The following CCDC138 variants were observed in gnomAD, a reference collection of about 807,000 sequenced individuals.
The protein encoded by CCDC138 is coiled-coil domain-containing protein 138.
In CCDC138, 66 loss-of-function variants were observed where a neutral mutation model predicts 82.3. The observed-to-expected ratio is 0.80, with a 90% CI of 0.66 to 0.98. CCDC138 has a LOEUF of 0.98. CCDC138 is among the 50% of genes least tolerant of loss of function. The pLI, the probability that CCDC138 is intolerant of heterozygous loss-of-function variation, is 0.00. For synonymous variants in CCDC138, 297 were observed against 265.4 expected (o/e 1.12, Z -1.16); for missense variants, 816 against 758.9 (o/e 1.08, Z -0.88).
At chr2:108,826,213 G>A (rs375344362) in intron 10 of CCDC138, among the ~76,000 whole-genome samples, 1 of 152,104 alleles carries the variant, frequency 6.6e-6, no homozygotes, top group Non-Finnish European at 1.5e-5. Flanking sequence ...GTAGTTGTCT[G>A]TTGACTTTCT....
downstream of CCDC138, among the ~76,000 whole-genome samples, chr2:108,876,830 G>A (rs1397343433): frequency 6.6e-6 from 1 of 152,058 alleles, no homozygotes; most frequent in Admixed American, 6.6e-5. Flanking sequence ...TATATACAAG[G>A]CAAGACATTT....
At chr2:108,872,126 C>T (rs1425983945) in intron 13 of CCDC138, among the ~76,000 whole-genome samples, 3 of 152,142 alleles carry the variant, frequency 2.0e-5, no homozygotes, top group Non-Finnish European at 2.9e-5. Context: ...TGCTTTTGTT[C>T]AGAACTTAGT....
chr2:108,794,269 T>G (rs1680473405), intron 4 of CCDC138, among the ~76,000 whole-genome samples: 1 of 152,172 alleles, frequency 6.6e-6, no homozygotes, highest in African/African-American at 2.4e-5. Flanking sequence ...TGGCAATTAG[T>G]GTCTTTTTAT....
chr2:108,787,073 A>C (rs931382039), intron 1 of CCDC138, among the ~76,000 whole-genome samples, 158 bp downstream of exon 1: 1 of 151,550 alleles, frequency 6.6e-6, no homozygotes, highest in Admixed American at 6.6e-5. Context: ...AGCAGGCGGG[A>C]GGGGCGGGCG....
intron 6 of CCDC138, among the ~76,000 whole-genome samples, chr2:108,799,142 G>A (rs1409753670): frequency 2.0e-5 from 3 of 152,050 alleles, no homozygotes; most frequent in African/African-American, 7.2e-5. Context: ...TGAATCTAGA[G>A]CACTCAACCT....
intron 10 of CCDC138, among the ~76,000 whole-genome samples, chr2:108,817,148 A>T (rs940037945): frequency 6.6e-6 from 1 of 152,242 alleles, no homozygotes; most frequent in African/African-American, 2.4e-5. Flanking sequence ...TAGGGAGGTT[A>T]TCCAGGATTA....
rs768754579 is a variant in CCDC138 at position 108,873,499 on chromosome 2, G to T, written c.1742G>T (p.Arg581Leu). ...GCCTGTAGCAACTCTTTATTTTTTC[G>T]TACTTGCTCTGTGCTGCTTCGAGCC... ...LEACSNSLFF[R>L]TCSVLLRAPK... The change falls in exon 14 of 15, where the codon CGT becomes CTT. Residue 581 changes from arginine to leucine, a missense_variant. Physicochemically the swap from Arg to Leu is moderately radical, Grantham distance 102. Coordinates refer to ENST00000295124, the MANE Select transcript of CCDC138 (RefSeq NM_144978.3). 2 of 1,604,358 alleles carry T rather than the reference G, an allele frequency of 1.2e-6. No homozygotes were observed. The highest frequency in any genetic ancestry group is 2.2e-5 in the East Asian group (1 of 44,576).
chr2:108,824,935 T>C (rs1686311872), intron 10 of CCDC138, among the ~76,000 whole-genome samples: 3 of 152,222 alleles, frequency 2.0e-5, no homozygotes, highest in Admixed American at 2.0e-4. Flanking sequence ...AGTGCGTGAC[T>C]GTGTAAGATT....
intron 13 of CCDC138, among the ~76,000 whole-genome samples, chr2:108,866,219 A>G (rs1184130265): frequency 6.6e-6 from 1 of 152,222 alleles, no homozygotes; most frequent in Admixed American, 6.5e-5. Context: ...CTCTTCTGCC[A>G]TCTTGATGAT....
At chr2:108,853,955 T>TATATATAATAAAATATATATAATATATA (rs1324620954) in intron 12 of CCDC138, among the ~76,000 whole-genome samples, 40 of 118,376 alleles carry the variant, frequency 3.4e-4, no homozygotes, top group African/African-American at 1.3e-3. Context: ...ATACAATAAA[T>TATATATAATAAAATATATATAATATATA]ATATATAATA....
At chr2:108,833,300 G>C (rs1356330223) in intron 10 of CCDC138, among the ~76,000 whole-genome samples, 1 of 152,216 alleles carries the variant, frequency 6.6e-6, no homozygotes, top group African/African-American at 2.4e-5. Flanking sequence ...TACCACACTG[G>C]TAAAGATGTT....
intron 14 of CCDC138, among the ~76,000 whole-genome samples, chr2:108,874,850 T>C (rs1245072848): frequency 6.6e-6 from 1 of 152,178 alleles, no homozygotes; most frequent in African/African-American, 2.4e-5. Context: ...CCTATTGCAG[T>C]TACCTTATGG....
chr2:108,842,202 GT>G (rs11330697), intron 11 of CCDC138, among the ~76,000 whole-genome samples: 108,149 of 142,270 alleles, frequency 0.76, 41,538 homozygotes, highest in East Asian at 0.9. Flanking sequence ...TAATTAAAAA[GT>G]TTTTTTTTTT....
chr2:108,861,788 C>T (rs950304393), intron 13 of CCDC138, among the ~76,000 whole-genome samples: 9 of 151,496 alleles, frequency 5.9e-5, no homozygotes, highest in Admixed American at 2.0e-4. Context: ...GCCTAAACCT[C>T]GGCCTCCCAA....
intron 11 of CCDC138, among the ~76,000 whole-genome samples, chr2:108,844,858 C>T (rs1258463373): frequency 6.6e-6 from 1 of 151,858 alleles, no homozygotes; most frequent in Non-Finnish European, 1.5e-5. Flanking sequence ...AGCGATTCTC[C>T]TGCCTCACCC....
chr2:108,842,132 A>G lies in CCDC138; in HGVS notation c.1323+2831A>G, dbSNP rs201230132. ...AGCCTCCAGCTCCTGGGCTCAAGCA[A>G]TCCTTCTGCCTCAGCCTCCTGTGTA... is the stretch of plus-strand genomic sequence containing the variant. On this transcript the variant is annotated intron_variant, in intron 11 of 14. Transcript: ENST00000295124. Among the ~76,000 whole-genome samples, 46 of 151,992 alleles carry G rather than the reference A, an allele frequency of 3.0e-4. No homozygotes were observed. The East Asian group carries it at 8.1e-3, about 27-fold the overall frequency.
intron 7 of CCDC138, among the ~76,000 whole-genome samples, chr2:108,809,477 TG>T (rs1558651211): frequency 5.3e-5 from 8 of 151,928 alleles, no homozygotes; most frequent in Admixed American, 2.0e-4. Context: ...TGTGTGTGTG[TG>T]TGTGTGTGTG....
chr2:108,865,639 G>A (rs1694300396), intron 13 of CCDC138, among the ~76,000 whole-genome samples: 1 of 152,100 alleles, frequency 6.6e-6, no homozygotes, highest in Non-Finnish European at 1.5e-5. Flanking sequence ...ATAGTCCCTA[G>A]GCATCTAGAA....
chr2:108,882,628 C>G (rs971414355), intron 1 of CCDC138: 2 of 152,450 alleles, frequency 1.3e-5, no homozygotes, highest in East Asian at 1.9e-4. Flanking sequence ...AGACCCTTTT[C>G]TCTCACCTTT....
Sources: allele counts gnomAD v4.1 joint callset (sites outside exome capture counted in the v4.1 genomes callset), GRCh38; gene constraint gnomAD v4.1.1; transcripts MANE v1.5; gene names NCBI Gene and HGNC (gene_info 2026-07-23, HGNC 2026-07-21).